Variants in BICD1 observed in about 807,000 individuals in gnomAD.
BICD1 encodes BICD cargo adaptor 1.
In BICD1, 35 loss-of-function variants were observed where a neutral mutation model predicts 92.5. That is an observed-to-expected ratio of 0.38 (90% confidence interval 0.29 to 0.50). The LOEUF is 0.50. Ranked by LOEUF, BICD1 falls within the 20% of genes least tolerant of loss-of-function variation. The probability of loss-of-function intolerance (pLI) is 0.93; values close to 1 mark genes in which losing one functional copy is unlikely to be tolerated. For missense variants in BICD1, 950 were observed against 1,189.8 expected (o/e 0.80, Z 2.97); for synonymous variants, 429 against 465.1 (o/e 0.92, Z 1.00).
rs932449667 is a variant in BICD1 at position 32,317,085 on chromosome 12, T to C, written c.1006-10376T>C. 2.4e-4 allele frequency among the ~76,000 whole-genome samples: 36 copies of C among 152,356 alleles called. 1 individual carries two copies. The highest frequency in any genetic ancestry group is 8.7e-4 in the African/African-American group (36 of 41,576). ...TATTCCATGGTGTATATGTGCCACA[T>C]TTTCTTAATCCAGTCTATCATTGTT... On this transcript the variant is annotated intron_variant, in intron 4 of 9. Transcript: ENST00000652176.
chr12:32,188,969 C>A (rs1004877561), intron 1 of BICD1, among the ~76,000 whole-genome samples: 2 of 152,138 alleles, frequency 1.3e-5, no homozygotes, highest in African/African-American at 4.8e-5. Context: ...CTTAAATAAC[C>A]AGTACCAAAG....
Position 32,178,819 on chromosome 12 carries a change from C to T in BICD1, c.214-37428C>T, listed in dbSNP as rs148422352. Among the ~76,000 whole-genome samples, 86 of 152,004 alleles carry T rather than the reference C, an allele frequency of 5.7e-4. 1 individual carries two copies. The highest frequency in any genetic ancestry group is 2.0e-3 in the African/African-American group (83 of 41,514). The stretch of plus-strand genomic sequence containing the variant: ...TGGGTTGGTAAAAATGGCAGTTGTC[C>T]TGCATGCTGACATTGGGAGTTACTC... On this transcript the variant is annotated intron_variant, in intron 1 of 9. Coordinates refer to ENST00000652176, the MANE Select transcript of BICD1 (RefSeq NM_001714.4).
chr12:32,374,789 G>C (rs1939873365), intron 9 of BICD1, among the ~76,000 whole-genome samples: 1 of 126,366 alleles, frequency 7.9e-6, no homozygotes, highest in Non-Finnish European at 1.6e-5. Flanking sequence ...GTTTCTCCAT[G>C]TTGGTCAGGA....
intron 2 of BICD1, among the ~76,000 whole-genome samples, chr12:32,236,872 C>CTTTTTTTTTTTTTTTTTTTTTTTT (rs57318640): frequency 1.1e-5 from 1 of 89,320 alleles, no homozygotes; most frequent in Non-Finnish European, 2.1e-5. Flanking sequence ...AAGTCTAATT[C>CTTTTTTTTTTTTTTTTTTTTTTTT]TTTTTTTTTT....
At chr12:32,230,190 G>A (rs999550902) in intron 2 of BICD1, among the ~76,000 whole-genome samples, 36 of 152,142 alleles carry the variant, frequency 2.4e-4, no homozygotes, top group African/African-American at 6.5e-4. Flanking sequence ...AGAGTGAACC[G>A]TAGGAGTCAT....
At chr12:32,355,196 T>A (rs1481951221) in intron 8 of BICD1, among the ~76,000 whole-genome samples, 1 of 152,246 alleles carries the variant, frequency 6.6e-6, no homozygotes, top group East Asian at 1.9e-4. Context: ...AACCTTAAAA[T>A]CTTTATCAGA....
In BICD1 at chr12:32,335,860, G is replaced by C. The variant is rs147199880; in HGVS notation, c.2252+1193G>C. Among the ~76,000 whole-genome samples the C allele has an allele frequency of 3.1e-3, 467 of 152,048 alleles. 2 individuals are homozygous for C. The highest frequency in any genetic ancestry group is 4.8e-3 in the Non-Finnish European group (325 of 67,982). On this transcript the variant is annotated intron_variant, in intron 6 of 9. Coordinates refer to ENST00000652176, the MANE Select transcript of BICD1 (RefSeq NM_001714.4). The stretch of plus-strand genomic sequence containing the variant: ...TCGGCCTCCAAAAGTCCTGAGATAC[G>C]GGTATGAGCCACCATGCCCGACCAA...
intron 1 of BICD1, among the ~76,000 whole-genome samples, chr12:32,126,822 A>G (rs1034721572): frequency 4.6e-5 from 7 of 152,294 alleles, no homozygotes; most frequent in Admixed American, 4.6e-4. Flanking sequence ...TACAAGGAAC[A>G]GGCACCAGGC....
intron 1 of BICD1, among the ~76,000 whole-genome samples, chr12:32,182,799 A>G (rs1376268983): frequency 6.6e-6 from 1 of 151,050 alleles, no homozygotes; most frequent in Non-Finnish European, 1.5e-5. Flanking sequence ...CATTGTTACA[A>G]TTTATCATGA....
At chr12:32,374,253 ATCTT>A (rs1939845749) in intron 9 of BICD1, among the ~76,000 whole-genome samples, 1 of 151,980 alleles carries the variant, frequency 6.6e-6, no homozygotes, top group African/African-American at 2.4e-5. Flanking sequence ...AAAAAGCCAT[ATCTT>A]TCTTGTGTAA....
intron 1 of BICD1, among the ~76,000 whole-genome samples, chr12:32,151,973 T>C (rs1943301335): frequency 6.6e-6 from 1 of 152,198 alleles, no homozygotes; most frequent in South Asian, 2.1e-4. Context: ...TTTTTGTTTT[T>C]TGAGACAGAG....
At chr12:32,245,453 A>T (rs1364816144) in intron 2 of BICD1, among the ~76,000 whole-genome samples, 1 of 152,118 alleles carries the variant, frequency 6.6e-6, no homozygotes, top group Non-Finnish European at 1.5e-5. Context: ...CAGGACTAAG[A>T]TCAAGTGATT....
chr12:32,277,470 C>T (rs191905170), intron 2 of BICD1, among the ~76,000 whole-genome samples: 115 of 152,324 alleles, frequency 7.5e-4, no homozygotes, highest in African/African-American at 2.4e-3. Context: ...TCAAAGACTT[C>T]ATTTGGGTAA....
intron 1 of BICD1, among the ~76,000 whole-genome samples, chr12:32,182,364 C>T (rs1321805925): frequency 7.1e-6 from 1 of 140,164 alleles, no homozygotes; most frequent in East Asian, 2.2e-4. Flanking sequence ...CTCACTGCAA[C>T]CTCCACCTCC....
At chr12:32,183,972 G>A (rs953649756) in intron 1 of BICD1, among the ~76,000 whole-genome samples, 2 of 152,092 alleles carry the variant, frequency 1.3e-5, no homozygotes, top group African/African-American at 4.8e-5. Context: ...GTCACCACTG[G>A]ACCACCCTGT....
At chr12:32,189,049 G>A (rs78159741) in intron 1 of BICD1, among the ~76,000 whole-genome samples, 8 of 151,988 alleles carry the variant, frequency 5.3e-5, no homozygotes, top group Admixed American at 5.2e-4. Context: ...TTTAACTAAG[G>A]CCTAATTAAA....
At chr12:32,196,187 G>A (rs148799335) in intron 1 of BICD1, among the ~76,000 whole-genome samples, 180 of 152,290 alleles carry the variant, frequency 1.2e-3, no homozygotes, top group Middle Eastern at 6.8e-3. Flanking sequence ...TTTGTATATT[G>A]TTGGTGGAAA....
At chr12:32,121,149 T>C (rs1187774013) in intron 1 of BICD1, among the ~76,000 whole-genome samples, 1 of 151,744 alleles carries the variant, frequency 6.6e-6, no homozygotes, top group Non-Finnish European at 1.5e-5. Flanking sequence ...TTTGTATCTT[T>C]AGTAGAGACG....
intron 2 of BICD1, among the ~76,000 whole-genome samples, chr12:32,252,150 TAC>T (rs1946578528): frequency 3.0e-5 from 1 of 33,138 alleles, no homozygotes; most frequent in Non-Finnish European, 6.1e-5. Context: ...TATTATATAT[TAC>T]ATATTATATA....
Sources: gnomAD v4.1 joint callset for allele counts (sites outside exome capture counted in the v4.1 genomes callset) on GRCh38, gnomAD v4.1.1 for gene constraint, MANE v1.5 for transcripts, NCBI Gene and HGNC (gene_info 2026-07-23, HGNC 2026-07-21) for gene names.